The following SRCIN1 variants were observed in gnomAD, a reference collection of about 807,000 sequenced individuals.
SRCIN1 encodes the protein P130Cas-associated protein.
Under a neutral mutation model 116.2 loss-of-function variants are expected in SRCIN1, and 50 were observed. That is an observed-to-expected ratio of 0.43 (90% CI 0.34 to 0.54). The LOEUF (loss-of-function observed/expected upper bound fraction) is 0.54, where lower values mean the gene tolerates loss of function less well. Ranked by LOEUF, SRCIN1 falls within the 20% of genes least tolerant of loss-of-function variation. SRCIN1 has a pLI of 0.02. For missense variants in SRCIN1, 1,446 were observed against 1,672.0 expected, an observed-to-expected ratio of 0.86 and a Z score of 2.36; for synonymous variants, 736 against 750.0, an observed-to-expected ratio of 0.98 and a Z score of 0.30.
chr17:38,544,045 G>T lies in SRCIN1; in HGVS notation c.3271-76C>A. 6.8e-7 allele frequency: 1 copy of T among 1,472,928 alleles called. No homozygotes were observed. Among genetic ancestry groups the T allele is most frequent in the Non-Finnish European group, 9.0e-7 (1 of 1,107,220 alleles). The allele number at this position is 1,472,928 out of a possible 1,614,324, so 91.2% of individuals were successfully genotyped here. On this transcript the variant is annotated intron_variant, in intron 17 of 18. Transcript: ENST00000617146. The surrounding 1 kb of genome is among the most constrained non-coding windows in gnomAD (Gnocchi z 4.5). ...CACACAGGAACCCTAGCACTGGGTG[G>T]GGTCTCGGGGCTGGGACCTCCTCAG...
At chr17:38,534,459 C>T (rs56695130) in intron 18 of SRCIN1, among the ~76,000 whole-genome samples, 32,766 of 152,056 alleles carry the variant, frequency 0.22, 6,579 homozygotes, top group African/African-American at 0.53. Flanking sequence ...GTAATTGTAC[C>T]CACTGTCCCT....
chr17:38,595,340 C>T (rs910118404), intron 1 of SRCIN1, among the ~76,000 whole-genome samples: 1 of 152,092 alleles, frequency 6.6e-6, no homozygotes, highest in Non-Finnish European at 1.5e-5. Context: ...GCCTCAGCTT[C>T]CTGAGTAGCT....
At chr17:38,549,721 A>G (rs73304417) in intron 15 of SRCIN1, among the ~76,000 whole-genome samples, 4,585 of 152,104 alleles carry the variant, frequency 0.03, 222 homozygotes, top group African/African-American at 0.1. Context: ...ACCTGCAGAG[A>G]GGTCACTCTA....
intron 18 of SRCIN1, among the ~76,000 whole-genome samples, chr17:38,538,416 C>CAAAA (rs536827040): frequency 2.7e-4 from 27 of 100,430 alleles, no homozygotes; most frequent in African/African-American, 5.1e-4. Flanking sequence ...GACTCCGTCT[C>CAAAA]AAAAAAAAAA....
At chr17:38,586,035 C>G (rs1908095864) in intron 1 of SRCIN1, among the ~76,000 whole-genome samples, 1 of 152,128 alleles carries the variant, frequency 6.6e-6, no homozygotes, top group Non-Finnish European at 1.5e-5. Flanking sequence ...GGAGGGAAGA[C>G]AGAGAGGAAG....
chr17:38,567,315 G>C (rs1290331354), intron 3 of SRCIN1, among the ~76,000 whole-genome samples: 1 of 152,234 alleles, frequency 6.6e-6, no homozygotes, highest in Non-Finnish European at 1.5e-5. Context: ...CACCAAGCTA[G>C]TTAGCAGCAG....
chr17:38,533,635 G>C (rs2040957548), intron 18 of SRCIN1, among the ~76,000 whole-genome samples: 1 of 151,116 alleles, frequency 6.6e-6, no homozygotes, highest in Admixed American at 6.6e-5. Flanking sequence ...GGGGGCACGA[G>C]GTTGGACAAA....
At position 38,543,866 on chromosome 17, in the gene SRCIN1, C is replaced by G. The variant is rs1270620263; in HGVS notation, c.3374G>C (p.Gly1125Ala). 2 of 1,608,348 alleles carry G rather than the reference C, an allele frequency of 1.2e-6. No homozygotes were observed. Among genetic ancestry groups the G allele is most frequent in the Non-Finnish European group, 1.7e-6 (2 of 1,179,760 alleles). ...CCGCATGTACTCGGCCCTCTGCTTG[C>G]CATGTTTGCTTTTGTCGGGGCTGCC... ...QAGSPDKSKH[G>A]KQRAEYMRIQ... The change falls in exon 18 of 19, where the codon GGC (glycine) becomes GCC (alanine). Residue 1125 changes from glycine to alanine, a missense_variant. Gly to Ala is a moderately conservative substitution (Grantham distance 60). This residue lies in a region of SRCIN1 where 531 missense variants were observed against 633.9 expected (regional missense o/e 0.84). Coordinates refer to ENST00000617146, the MANE Select transcript of SRCIN1 (RefSeq NM_025248.3).
intron 15 of SRCIN1, among the ~76,000 whole-genome samples, chr17:38,549,464 C>T (rs1046166613): frequency 4.6e-5 from 7 of 152,286 alleles, no homozygotes; most frequent in Middle Eastern, 3.4e-3. Flanking sequence ...GCACTGGCAG[C>T]GCCTGGCAGC....
chr17:38,549,305 C>A, intron 15 of SRCIN1, 95 bp from the exon 16 acceptor site: 10 of 1,239,134 alleles, frequency 8.1e-6, no homozygotes, highest in Non-Finnish European at 1.1e-5. Context: ...GCTTCTTCCT[C>A]CAGGGAGGAC....
chr17:38,584,223 G>C (rs1907984320), intron 1 of SRCIN1, among the ~76,000 whole-genome samples: 2 of 152,220 alleles, frequency 1.3e-5, no homozygotes, highest in Non-Finnish European at 2.9e-5. Context: ...CCCTGGTGGA[G>C]GGGCGTTGGG....
At chr17:38,557,172 A>G (rs1286967838) in intron 11 of SRCIN1, among the ~76,000 whole-genome samples, 1 of 152,216 alleles carries the variant, frequency 6.6e-6, no homozygotes, top group Non-Finnish European at 1.5e-5. Context: ...CCACCAGGCT[A>G]TGTGGGCCTC....
Position 38,552,328 on chromosome 17 carries a change from C to T in SRCIN1, c.2480+119G>A. ...GGGGTCACAGGGCAGAGCTGAGGTGCCAGTCCAGTCGGCACGCCAGTGACC... is the reference window on the plus strand; with the variant it reads ...GGGGTCACAGGGCAGAGCTGAGGTGTCAGTCCAGTCGGCACGCCAGTGACC... On this transcript the variant is annotated intron_variant, in intron 13 of 18. Transcript: ENST00000617146. This position sits in a 1 kb window ranked among gnomAD's most constrained non-coding sequence, Gnocchi z 5.3. 6.9e-7 allele frequency: 1 copy of T among 1,444,912 alleles called. No individual in the cohort carries two copies. The highest frequency in any genetic ancestry group is 9.2e-7 in the Non-Finnish European group (1 of 1,087,454). The allele number at this position is 1,444,912 out of a possible 1,614,324, so 89.5% of individuals were successfully genotyped here. A position where few individuals can be genotyped will look rare whatever the true frequency, so the allele number is the denominator to read the frequency against.
chr17:38,549,030 C>T (rs1206211225), intron 16 of SRCIN1, 26 bp downstream of exon 16: 3 of 1,612,118 alleles, frequency 1.9e-6, no homozygotes, highest in Non-Finnish European at 2.5e-6. Flanking sequence ...AGTCCCCTGG[C>T]CCTCTGTCTG....
chr17:38,561,511 G>T lies in SRCIN1; in HGVS notation c.1652C>A (p.Ser551Ter). 6.3e-7 allele frequency: 1 copy of T among 1,596,604 alleles called. No individual in the cohort carries two copies. ...CACTGGCGGCCCGAACCCAACCAGCGAGCGTTCCCCAGGCCCAGGGAAGAG... is the reference window on the plus strand; with the variant it reads ...CACTGGCGGCCCGAACCCAACCAGCTAGCGTTCCCCAGGCCCAGGGAAGAG... ...SELFPGPGER[S>*]LVGFGPPVPA... is the part of the protein sequence containing the mutation. Residue 551 changes from serine (S) to a stop codon, truncating the protein, a stop_gained, in exon 7 of 19, where the codon TCG becomes TAG. Coordinates refer to ENST00000617146, the MANE Select transcript of SRCIN1 (RefSeq NM_025248.3). LOFTEE classifies it high-confidence loss of function.
At position 38,605,750 on chromosome 17, in the gene SRCIN1, G is replaced by A; in HGVS notation, c.-45C>T. ...CGGGGGCCCCGGGCCGGCCTGCCTG[G>A]CGCTCGCCCTCTCGCCGCCTCGCGG... On this transcript the variant is annotated 5_prime_UTR_variant, in exon 1 of 19. Coordinates refer to ENST00000617146, the MANE Select transcript of SRCIN1 (RefSeq NM_025248.3). 9.8e-7 allele frequency: 1 copy of A among 1,021,632 alleles called. No homozygotes were observed. The highest frequency in any genetic ancestry group is 1.2e-6 in the Non-Finnish European group (1 of 823,192). The allele number at this position is 1,021,632 out of a possible 1,614,324, so 63.3% of individuals were successfully genotyped here. A position where few individuals can be genotyped will look rare whatever the true frequency, so the allele number is the denominator to read the frequency against.
intron 8 of SRCIN1, 57 bp from the exon 9 acceptor site, chr17:38,560,154 G>A: frequency 6.8e-7 from 1 of 1,470,494 alleles, no homozygotes; most frequent in South Asian, 1.3e-5. Flanking sequence ...GACCTTCAGA[G>A]CTGGGTGGAA....
chr17:38,543,633 G>C (rs950237625), intron 18 of SRCIN1, among the ~76,000 whole-genome samples, 190 bp downstream of exon 18: 7 of 152,306 alleles, frequency 4.6e-5, no homozygotes, highest in African/African-American at 1.2e-4. Context: ...TAGATCCAAA[G>C]CTCCGGGATC....
chr17:38,543,865 G>T lies in SRCIN1; in HGVS notation c.3375C>A (p.Gly1125=). ...QAGSPDKSKH[G]KQRAEYMRIQ... ...TCCGCATGTACTCGGCCCTCTGCTT[G>T]CCATGTTTGCTTTTGTCGGGGCTGC... Residue 1125 remains glycine (G), a synonymous_variant, in exon 18 of 19, where the codon GGC becomes GGA. Transcript: ENST00000617146. 1 of 1,608,226 alleles carries T rather than the reference G, an allele frequency of 6.2e-7. No individual in the cohort carries two copies.
Sources: allele counts gnomAD v4.1 joint callset (sites outside exome capture counted in the v4.1 genomes callset), GRCh38; gene constraint gnomAD v4.1.1; regional missense constraint gnomAD v4.1.1; non-coding constraint Gnocchi (gnomAD v3.1); transcripts MANE v1.5; gene names NCBI Gene and HGNC (gene_info 2026-07-23, HGNC 2026-07-21).